Variants in MYZAP observed in about 807,000 individuals in gnomAD.
MYZAP encodes the protein GRINL1A complex locus upstream.
A neutral mutation model predicts 69.4 loss-of-function variants in MYZAP; 66 were observed. That is an observed-to-expected ratio of 0.95 (90% confidence interval 0.78 to 1.17). MYZAP has a LOEUF of 1.17. Ranked by LOEUF, MYZAP falls within the 50% of genes most tolerant of loss-of-function variation. MYZAP has a pLI of 0.00. For missense variants in MYZAP, 611 were observed against 556.2 expected (o/e 1.10, Z -0.99); for synonymous variants, 256 against 205.9 (o/e 1.24, Z -2.09).
chr15:57,671,835 C>G (rs1383847420), intron 11 of MYZAP, among the ~76,000 whole-genome samples: 2 of 152,080 alleles, frequency 1.3e-5, no homozygotes, highest in Non-Finnish European at 2.9e-5. Context: ...AAGTCTTTGT[C>G]TGAAAATTCC....
intron 2 of MYZAP, among the ~76,000 whole-genome samples, chr15:57,611,772 A>G (rs1338038990): frequency 6.6e-6 from 1 of 152,152 alleles, no homozygotes; most frequent in African/African-American, 2.4e-5. Flanking sequence ...TATGTCATCC[A>G]GGCTGGAAAG....
At position 57,673,450 on chromosome 15, in the gene MYZAP, G is replaced by A. The variant is rs192201308; in HGVS notation, c.1204-1518G>A. On this transcript the variant is annotated intron_variant, in intron 11 of 12. Coordinates refer to ENST00000267853, the MANE Select transcript of MYZAP (RefSeq NM_001018100.5). ...TCTCTCTCTCTGTCTGCACGTGTGCGCATGCGTGCATGCGTGTGTGTGTGT... is the reference window on the plus strand; with the variant it reads ...TCTCTCTCTCTGTCTGCACGTGTGCACATGCGTGCATGCGTGTGTGTGTGT... Among the ~76,000 whole-genome samples the A allele has an allele frequency of 1.6e-3, 237 of 145,106 alleles. 1 individual carries two copies. The highest frequency in any genetic ancestry group is 5.9e-3 in the African/African-American group (227 of 38,580).
chr15:57,670,567 GT>G (rs777328271), intron 11 of MYZAP, among the ~76,000 whole-genome samples: 49 of 151,900 alleles, frequency 3.2e-4, no homozygotes, highest in Non-Finnish European at 5.7e-4. Context: ...GGAGTATGTA[GT>G]TTACTAATAT....
chr15:57,613,741 A>G (rs993336616), intron 2 of MYZAP, among the ~76,000 whole-genome samples: 23 of 152,194 alleles, frequency 1.5e-4, no homozygotes, highest in African/African-American at 5.3e-4. Flanking sequence ...TCATGTAATG[A>G]GTCATTGATC....
At chr15:57,671,230 A>G (rs2140605530) in intron 11 of MYZAP, among the ~76,000 whole-genome samples, 1 of 151,992 alleles carries the variant, frequency 6.6e-6, no homozygotes, top group Non-Finnish European at 1.5e-5. Context: ...TTCTCTTGGT[A>G]CTCATTGTTT....
Position 57,675,086 on chromosome 15 carries a change from G to T in MYZAP, c.1304+18G>T, listed in dbSNP as rs776516935. The stretch of plus-strand genomic sequence containing the variant: ...CTACCCAGGTATTTAGGAATTTCCT[G>T]ATTTTTTTTTTTATTCAAATTCCTC... On this transcript the variant is annotated intron_variant, in intron 12 of 12. Coordinates refer to ENST00000267853, the MANE Select transcript of MYZAP (RefSeq NM_001018100.5). 2 of 1,506,290 alleles carry T rather than the reference G, an allele frequency of 1.3e-6. No homozygotes were observed. Among genetic ancestry groups the T allele is most frequent in the Non-Finnish European group, 1.8e-6 (2 of 1,121,102 alleles). The allele number at this position is 1,506,290 out of a possible 1,614,324, so 93.3% of individuals were successfully genotyped here.
intron 10 of MYZAP, among the ~76,000 whole-genome samples, chr15:57,643,487 C>T (rs543878796): frequency 2.0e-5 from 3 of 152,194 alleles, no homozygotes; most frequent in Non-Finnish European, 2.9e-5. Flanking sequence ...CATCCTGAGG[C>T]CCCCACAGTG....
At chr15:57,645,900 A>C (rs1255183186) in intron 10 of MYZAP, among the ~76,000 whole-genome samples, 3 of 152,250 alleles carry the variant, frequency 2.0e-5, no homozygotes, top group Non-Finnish European at 4.4e-5. Context: ...AATTTGCTTC[A>C]TCGCAAGTAT....
Position 57,647,344 on chromosome 15 carries a change from A to G in MYZAP, c.1119+7799A>G, listed in dbSNP as rs2037494740. 4 of 985,300 alleles carry G rather than the reference A, an allele frequency of 4.1e-6. No individual in the cohort carries two copies. In the South Asian group the frequency reaches 1.9e-4, roughly 46 times the overall value. 61.0% of individuals were successfully genotyped at this position (985,300 alleles called of 1,614,324 possible). ...ATTCAGACTTCCACTAGGGAGACAG[A>G]GGCAGATTTGAGAATCTCATCTGGA... On this transcript the variant is annotated intron_variant, in intron 10 of 12. Transcript: ENST00000267853.
At chr15:57,623,103 C>T (rs1017982875) in intron 4 of MYZAP, among the ~76,000 whole-genome samples, 2 of 152,190 alleles carry the variant, frequency 1.3e-5, no homozygotes, top group Non-Finnish European at 2.9e-5. Context: ...TGCCTCACCT[C>T]ATCGTAAGAT....
At chr15:57,671,134 A>G (rs1238742658) in intron 11 of MYZAP, among the ~76,000 whole-genome samples, 5 of 152,100 alleles carry the variant, frequency 3.3e-5, no homozygotes. Flanking sequence ...GTGGTAAAAC[A>G]TTCTCTTAGT....
At chr15:57,656,636 G>A (rs917564507) in intron 10 of MYZAP, among the ~76,000 whole-genome samples, 8 of 152,120 alleles carry the variant, frequency 5.3e-5, no homozygotes, top group Admixed American at 3.9e-4. Context: ...GAGGTTCTTC[G>A]GGGCAGACCA....
At chr15:57,632,959 A>G (rs552244823) in intron 7 of MYZAP, among the ~76,000 whole-genome samples, 31 of 152,154 alleles carry the variant, frequency 2.0e-4, no homozygotes, top group Admixed American at 1.8e-3. Flanking sequence ...CACTCTCTCC[A>G]TGCCTGGAGT....
intron 12 of MYZAP, among the ~76,000 whole-genome samples, chr15:57,681,798 T>C (rs1308409020): frequency 6.6e-6 from 1 of 151,626 alleles, no homozygotes; most frequent in East Asian, 1.9e-4. Context: ...AAAAAAAAGC[T>C]ATGGAGGTGT....
At chr15:57,629,032 G>T (rs561737016) in intron 5 of MYZAP, among the ~76,000 whole-genome samples, 107 of 147,622 alleles carry the variant, frequency 7.2e-4, no homozygotes, top group African/African-American at 2.6e-3. Flanking sequence ...GCAGTGAGCC[G>T]AGATCGTGCC....
intron 10 of MYZAP, chr15:57,646,279 G>T: frequency 7.9e-7 from 1 of 1,273,530 alleles, no homozygotes; most frequent in Non-Finnish European, 1.0e-6. Flanking sequence ...GGGAAGAGGT[G>T]GTATTTATCT....
intron 6 of MYZAP, among the ~76,000 whole-genome samples, chr15:57,632,015 T>A (rs1315436737): frequency 6.6e-6 from 1 of 152,176 alleles, no homozygotes; most frequent in East Asian, 1.9e-4. Context: ...GTGTTCCCCA[T>A]GCTAGGTTGG....
chr15:57,621,411 A>G (rs1400743298), intron 3 of MYZAP, among the ~76,000 whole-genome samples, 197 bp from the exon 4 acceptor site: 1 of 151,538 alleles, frequency 6.6e-6, no homozygotes, highest in African/African-American at 2.4e-5. Flanking sequence ...ACGGGGTTTC[A>G]CCATGTCAGC....
chr15:57,625,678 A>G (rs2036088358), intron 4 of MYZAP, 101 bp from the exon 5 acceptor site: 1 of 992,062 alleles, frequency 1.0e-6, no homozygotes, highest in East Asian at 2.4e-5. Flanking sequence ...ATATTGTTGA[A>G]GTAGATGTGG....
Sources: allele counts gnomAD v4.1 joint callset (sites outside exome capture counted in the v4.1 genomes callset), GRCh38; gene constraint gnomAD v4.1.1; transcripts MANE v1.5; gene names NCBI Gene and HGNC (gene_info 2026-07-23, HGNC 2026-07-21).